Variants in ANKS1B observed in about 807,000 individuals in gnomAD.
ANKS1B encodes the protein ankyrin repeat and sterile alpha motif domain containing 1B, also known as ankyrin repeat and sterile alpha motif domain-containing protein 1B.
ANKS1B carries 36 observed loss-of-function variants against 148.3 expected under a neutral mutation model. The ratio of observed to expected loss-of-function variants is 0.24; its 90% CI spans 0.19 to 0.32. ANKS1B has a LOEUF of 0.32. Ranked by LOEUF, ANKS1B falls within the 10% of genes least tolerant of loss-of-function variation. The pLI, the probability that ANKS1B is intolerant of heterozygous loss-of-function variation, is 1.00. For synonymous variants in ANKS1B, 542 were observed against 560.8 expected (o/e 0.97, Z 0.47); for missense variants, 1,157 against 1,542.6 (o/e 0.75, Z 4.19).
chr12:99,532,024 T>A (rs2096998999), intron 9 of ANKS1B, among the ~76,000 whole-genome samples: 1 of 149,812 alleles, frequency 6.7e-6, no homozygotes, highest in Non-Finnish European at 1.5e-5. Flanking sequence ...ATATTGCTTG[T>A]CTACTTTGTA....
chr12:98,762,576 T>C (rs1161252029), intron 25 of ANKS1B, among the ~76,000 whole-genome samples: 2 of 152,234 alleles, frequency 1.3e-5, no homozygotes, highest in South Asian at 2.1e-4. Flanking sequence ...AATGGATTTG[T>C]TCTTGGCAAT....
At chr12:99,926,550 G>A (rs2094481282) in intron 1 of ANKS1B, among the ~76,000 whole-genome samples, 1 of 152,234 alleles carries the variant, frequency 6.6e-6, no homozygotes, top group South Asian at 2.1e-4. Flanking sequence ...TCTCAGGCCT[G>A]CTGGTCTTCA....
At chr12:99,945,940 T>G (rs2095049675) in intron 1 of ANKS1B, among the ~76,000 whole-genome samples, 1 of 152,122 alleles carries the variant, frequency 6.6e-6, no homozygotes, top group African/African-American at 2.4e-5. Flanking sequence ...TCCCCGAACC[T>G]GCCATGGCAA....
chr12:99,025,684 A>G (rs1355021430), intron 17 of ANKS1B, among the ~76,000 whole-genome samples: 1 of 152,212 alleles, frequency 6.6e-6, no homozygotes, highest in Non-Finnish European at 1.5e-5. Flanking sequence ...CACCAGGACA[A>G]ACTGGAATTT....
chr12:99,530,985 ATTCC>A (rs1338612882), intron 9 of ANKS1B, among the ~76,000 whole-genome samples: 2 of 152,154 alleles, frequency 1.3e-5, no homozygotes, highest in Non-Finnish European at 2.9e-5. Flanking sequence ...TGAATGACAT[ATTCC>A]TGCCTCTGTC....
intron 10 of ANKS1B, among the ~76,000 whole-genome samples, chr12:99,465,209 G>A (rs967922130): frequency 9.2e-5 from 14 of 152,232 alleles, no homozygotes; most frequent in Admixed American, 3.3e-4. Context: ...ATAAGTGAAG[G>A]AGAAATAACA....
At chr12:99,734,918 C>T (rs571122034) in intron 8 of ANKS1B, among the ~76,000 whole-genome samples, 1 of 152,194 alleles carries the variant, frequency 6.6e-6, no homozygotes, top group Non-Finnish European at 1.5e-5. Flanking sequence ...CAACTCCATC[C>T]CTCCAGACCC....
At chr12:99,788,651 AGCAG>A (rs2065266122) in intron 4 of ANKS1B, among the ~76,000 whole-genome samples, 1 of 152,268 alleles carries the variant, frequency 6.6e-6, no homozygotes, top group Non-Finnish European at 1.5e-5. Flanking sequence ...GGAAAAAACA[AGCAG>A]GCACACGGGG....
chr12:99,435,875 T>A (rs960135834), intron 11 of ANKS1B, among the ~76,000 whole-genome samples: 2 of 152,058 alleles, frequency 1.3e-5, no homozygotes, highest in African/African-American at 2.4e-5. Flanking sequence ...GGTATTTTTT[T>A]AAAAAGCTTC....
intron 17 of ANKS1B, among the ~76,000 whole-genome samples, chr12:98,962,144 T>TA (rs549255869): frequency 0.04 from 5,327 of 134,338 alleles, 208 homozygotes; most frequent in African/African-American, 0.095. Flanking sequence ...GCTGAATGGA[T>TA]AAAAAAAAAA....
At chr12:99,399,071 T>C (rs974200636) in intron 12 of ANKS1B, among the ~76,000 whole-genome samples, 1 of 152,100 alleles carries the variant, frequency 6.6e-6, no homozygotes, top group Non-Finnish European at 1.5e-5. Context: ...TAGCTCCTTG[T>C]CCCCCAAATA....
chr12:99,659,157 G>A (rs926144761), intron 8 of ANKS1B, among the ~76,000 whole-genome samples: 1 of 152,034 alleles, frequency 6.6e-6, no homozygotes, highest in Non-Finnish European at 1.5e-5. Flanking sequence ...GTTTAGCACT[G>A]CCCCCTAAAG....
chr12:99,061,886 TCA>T (rs1413689879), intron 16 of ANKS1B, among the ~76,000 whole-genome samples: 2 of 152,158 alleles, frequency 1.3e-5, no homozygotes, highest in African/African-American at 2.4e-5. Context: ...TCTCTGTCAA[TCA>T]CAGCATCATC....
intron 17 of ANKS1B, among the ~76,000 whole-genome samples, chr12:98,974,648 C>G (rs141437120): frequency 6.6e-6 from 1 of 151,730 alleles, no homozygotes; most frequent in Non-Finnish European, 1.5e-5. Flanking sequence ...AGTAAATTCA[C>G]AAGACTTGAC....
chr12:98,897,679 A>C (rs1262309069), intron 17 of ANKS1B, among the ~76,000 whole-genome samples: 1 of 152,250 alleles, frequency 6.6e-6, no homozygotes, highest in African/African-American at 2.4e-5. Flanking sequence ...AGAGCTATAA[A>C]CAGAACTACC....
intron 17 of ANKS1B, among the ~76,000 whole-genome samples, chr12:98,921,274 A>G (rs1049296639): frequency 6.6e-6 from 1 of 152,160 alleles, no homozygotes; most frequent in African/African-American, 2.4e-5. Flanking sequence ...CCCAAAATGT[A>G]CAGGTGATAA....
At chr12:99,641,313 G>A (rs1008047244) in intron 9 of ANKS1B, among the ~76,000 whole-genome samples, 1 of 152,176 alleles carries the variant, frequency 6.6e-6, no homozygotes, top group African/African-American at 2.4e-5. Context: ...CAGCAGCAGA[G>A]GGTGAGTTAC....
chr12:99,466,811 A>G (rs2096125693), intron 10 of ANKS1B, among the ~76,000 whole-genome samples: 1 of 152,148 alleles, frequency 6.6e-6, no homozygotes, highest in East Asian at 1.9e-4. Flanking sequence ...CTTACCAACC[A>G]AAAAGAGTCC....
At chr12:99,456,437 C>A (rs191888194) in intron 10 of ANKS1B, among the ~76,000 whole-genome samples, 1 of 152,092 alleles carries the variant, frequency 6.6e-6, no homozygotes, top group African/African-American at 2.4e-5. Context: ...TCTGAATTGC[C>A]AGAAAAAGAA....
Sources: gnomAD v4.1 joint callset for allele counts (sites outside exome capture counted in the v4.1 genomes callset) on GRCh38, gnomAD v4.1.1 for gene constraint, MANE v1.5 for transcripts, NCBI Gene and HGNC (gene_info 2026-07-23, HGNC 2026-07-21) for gene names.